Variants in PPP3CB observed in about 807,000 individuals in gnomAD.
The protein encoded by PPP3CB is serine/threonine-protein phosphatase 2B catalytic subunit beta isoform.
PPP3CB carries 8 observed loss-of-function variants against 66.4 expected under a neutral mutation model. The ratio of observed to expected loss-of-function variants is 0.12; its 90% confidence interval spans 0.07 to 0.22. The LOEUF (loss-of-function observed/expected upper bound fraction) is 0.22, where lower values mean the gene tolerates loss of function less well. PPP3CB is among the 10% of genes least tolerant of loss of function. PPP3CB has a pLI of 1.00. For synonymous variants in PPP3CB, 208 were observed against 221.2 expected, an observed-to-expected ratio of 0.94 and a Z score of 0.53; for missense variants, 319 against 642.5, an observed-to-expected ratio of 0.50 and a Z score of 5.44.
intron 1 of PPP3CB, among the ~76,000 whole-genome samples, chr10:73,481,142 T>G (rs1025738676): frequency 2.0e-5 from 3 of 150,372 alleles, no homozygotes; most frequent in Non-Finnish European, 4.4e-5. Context: ...GTAAGGCAGC[T>G]CCCTCTTTCC....
At chr10:73,484,026 C>T (rs576330294) in intron 1 of PPP3CB, among the ~76,000 whole-genome samples, 1 of 151,958 alleles carries the variant, frequency 6.6e-6, no homozygotes, top group African/African-American at 2.4e-5. Context: ...CCTGTAGTCC[C>T]AGCTACTTTG....
At chr10:73,472,137 C>T (rs2056711310) in intron 4 of PPP3CB, among the ~76,000 whole-genome samples, 1 of 152,092 alleles carries the variant, frequency 6.6e-6, no homozygotes, top group Non-Finnish European at 1.5e-5. Context: ...AAAATATTTG[C>T]TCTCTAAAAT....
At chr10:73,489,529 C>G (rs2057038699) in intron 1 of PPP3CB, among the ~76,000 whole-genome samples, 1 of 151,978 alleles carries the variant, frequency 6.6e-6, no homozygotes, top group East Asian at 1.9e-4. Flanking sequence ...CTCCAAAAAC[C>G]CTATAATAAG....
chr10:73,485,116 T>C (rs557753376), intron 1 of PPP3CB, among the ~76,000 whole-genome samples: 1 of 152,302 alleles, frequency 6.6e-6, no homozygotes, highest in South Asian at 2.1e-4. Flanking sequence ...AAAATCTTGA[T>C]TTGGTAACAT....
At chr10:73,469,028 T>C (rs2132916442) in intron 8 of PPP3CB, among the ~76,000 whole-genome samples, 1 of 152,330 alleles carries the variant, frequency 6.6e-6, no homozygotes, top group South Asian at 2.1e-4. Context: ...AAGAGACATC[T>C]GATTTTTGAT....
chr10:73,470,973 GA>G lies in PPP3CB; in HGVS notation c.810-10del. ...CACACACTGCTGGATAGCTGTGGGGGAAAAAGAGTAAATTAAGTAAAATAAT... is the reference window on the plus strand; with the variant it reads ...CACACACTGCTGGATAGCTGTGGGGGAAAAGAGTAAATTAAGTAAAATAAT... On this transcript the variant is annotated splice_polypyrimidine_tract_variant and intron_variant, in intron 6 of 13. Transcript: ENST00000360663. 6.2e-7 allele frequency: 1 copy of G among 1,611,258 alleles called. No individual in the cohort carries two copies. Among genetic ancestry groups the G allele is most frequent in the Non-Finnish European group, 8.5e-7 (1 of 1,178,348 alleles).
intron 9 of PPP3CB, among the ~76,000 whole-genome samples, chr10:73,460,156 T>G (rs1282194158): frequency 6.6e-6 from 1 of 151,874 alleles, no homozygotes; most frequent in East Asian, 1.9e-4. Context: ...AGGTTAAGGT[T>G]TATCTCGAAA....
chr10:73,476,312 A>C (rs2056787265), intron 3 of PPP3CB, among the ~76,000 whole-genome samples: 1 of 152,198 alleles, frequency 6.6e-6, no homozygotes, highest in East Asian at 1.9e-4. Flanking sequence ...ATAACAACAA[A>C]ATGTATTAAA....
chr10:73,478,721 C>T (rs2056828913), intron 2 of PPP3CB, 98 bp from the exon 3 acceptor site: 2 of 1,061,742 alleles, frequency 1.9e-6, no homozygotes, highest in South Asian at 1.6e-5. Context: ...AGTACAAATG[C>T]TATCAAGAAA....
chr10:73,439,044 A>G (rs1489522292), intron 13 of PPP3CB, among the ~76,000 whole-genome samples: 1 of 152,224 alleles, frequency 6.6e-6, no homozygotes, highest in African/African-American at 2.4e-5. Flanking sequence ...CTCGTAATTT[A>G]GAAGATGTTC....
At chr10:73,444,476 T>C (rs2132771873) in intron 12 of PPP3CB, 2 of 1,119,244 alleles carry the variant, frequency 1.8e-6, no homozygotes, top group East Asian at 2.6e-5. Flanking sequence ...GCTGCTCCCA[T>C]ATCATTTCAT....
At chr10:73,485,157 C>G (rs543588680) in intron 1 of PPP3CB, among the ~76,000 whole-genome samples, 1 of 152,288 alleles carries the variant, frequency 6.6e-6, no homozygotes, top group East Asian at 1.9e-4. Context: ...TGTTGAAAAT[C>G]TTCCTTTTAT....
intron 1 of PPP3CB, among the ~76,000 whole-genome samples, chr10:73,483,393 C>T (rs949382698): frequency 2.0e-5 from 3 of 152,084 alleles, no homozygotes; most frequent in African/African-American, 4.8e-5. Context: ...AGAGGCTCAC[C>T]CCTATAATCC....
At chr10:73,451,586 G>A (rs1415092759) in intron 10 of PPP3CB, among the ~76,000 whole-genome samples, 1 of 146,808 alleles carries the variant, frequency 6.8e-6, no homozygotes, top group African/African-American at 2.7e-5. Context: ...AAAGAGAAAG[G>A]AAGAAGGAAG....
Position 73,436,557 on chromosome 10 carries a change from A to C in PPP3CB, c.*1685T>G, listed in dbSNP as rs1284749948. The C allele has an allele frequency of 1.3e-5, 2 of 152,360 alleles. No individual in the cohort carries two copies. Among genetic ancestry groups the C allele is most frequent in the Non-Finnish European group, 2.9e-5 (2 of 68,030 alleles). The allele number at this position is 152,360 out of a possible 1,614,324, so 9.4% of individuals were successfully genotyped here. On this transcript the variant is annotated 3_prime_UTR_variant, in exon 14 of 14. Transcript: ENST00000360663. Reference sequence around the variant, plus strand: ...ACAATAAACAGTGATCTTAAATATTAGACTTAGGAGGCCTACAGTAGGCAT... The same window carrying C: ...ACAATAAACAGTGATCTTAAATATTCGACTTAGGAGGCCTACAGTAGGCAT...
chr10:73,454,380 A>C (rs745425976), intron 10 of PPP3CB, 32 bp downstream of exon 10: 15 of 541,034 alleles, frequency 2.8e-5, no homozygotes, highest in South Asian at 5.6e-5. Flanking sequence ...ATTTCACAGT[A>C]AAAAAAAAAA....
At chr10:73,448,657 T>A (rs1213581198) in intron 10 of PPP3CB, 1 of 533,430 alleles carries the variant, frequency 1.9e-6, no homozygotes, top group Admixed American at 1.9e-5. Context: ...CTCTGTCTGG[T>A]CTGTACCTTT....
intron 3 of PPP3CB, among the ~76,000 whole-genome samples, chr10:73,478,261 C>T (rs2056822495): frequency 6.6e-6 from 1 of 152,026 alleles, no homozygotes; most frequent in Admixed American, 6.6e-5. Context: ...TCAGTCAGCT[C>T]ATAAATTCCA....
chr10:73,482,720 C>T (rs187637914), intron 1 of PPP3CB, among the ~76,000 whole-genome samples: 11 of 151,778 alleles, frequency 7.2e-5, no homozygotes, highest in Admixed American at 5.9e-4. Flanking sequence ...TGGGTTCAAG[C>T]GATCCTCCTG....
Sources: gnomAD v4.1 joint callset for allele counts (sites outside exome capture counted in the v4.1 genomes callset) on GRCh38, gnomAD v4.1.1 for gene constraint, MANE v1.5 for transcripts, NCBI Gene and HGNC (gene_info 2026-07-23, HGNC 2026-07-21) for gene names.